CCDC33: variants seen among roughly 807,000 people sequenced by gnomAD.
CCDC33 encodes coiled-coil domain-containing protein 33.
In CCDC33, 94 loss-of-function variants were observed where a neutral mutation model predicts 91.9. The ratio of observed to expected loss-of-function variants is 1.02; its 90% confidence interval spans 0.87 to 1.21. The LOEUF is 1.21. Among genes scored for constraint, CCDC33 ranks in the 50% most tolerant of loss-of-function variants. The probability of loss-of-function intolerance (pLI) is 0.00; values close to 1 mark genes in which losing one functional copy is unlikely to be tolerated. For synonymous variants in CCDC33, 396 were observed against 374.5 expected (o/e 1.06, Z -0.66); for missense variants, 940 against 935.5 (o/e 1.00, Z -0.06).
chr15:74,271,906 T>C lies in CCDC33; in HGVS notation c.638+112T>C, dbSNP rs367890599. ...ATTCCAGGACCTCCGGCAACCCCTC[T>C]ACCCCTAAGGCCCTTCAAGCCTCTC... is the stretch of plus-strand genomic sequence containing the variant. On this transcript the variant is annotated intron_variant, in intron 6 of 18. Transcript: ENST00000398814. 2.0e-3 allele frequency: 1,692 copies of C among 838,592 alleles called. 44 individuals carry two copies. In the South Asian group the frequency reaches 0.025, roughly 12 times the overall value. The allele number at this position is 838,592 out of a possible 1,614,324, so 51.9% of individuals were successfully genotyped here. A position where few individuals can be genotyped will look rare whatever the true frequency, so the allele number is the denominator to read the frequency against.
intron 2 of CCDC33, chr15:74,209,668 T>G (rs2074340342): frequency 3.7e-6 from 2 of 546,710 alleles, no homozygotes; most frequent in Non-Finnish European, 6.5e-6. Context: ...CCTCCAACGC[T>G]GCTGGACAGT....
At chr15:74,262,948 A>G (rs566255130) in intron 3 of CCDC33, among the ~76,000 whole-genome samples, 1 of 152,186 alleles carries the variant, frequency 6.6e-6, no homozygotes, top group Non-Finnish European at 1.5e-5. Context: ...TGCTGCTCCC[A>G]TTGCTTAAGA....
chr15:74,298,081 T>C (rs1019308665), intron 11 of CCDC33, among the ~76,000 whole-genome samples: 1 of 152,218 alleles, frequency 6.6e-6, no homozygotes, highest in African/African-American at 2.4e-5. Flanking sequence ...CAGGCAGTCC[T>C]TCGTTTGGAG....
At chr15:74,209,747 C>T in intron 2 of CCDC33, 2 of 364,272 alleles carry the variant, frequency 5.5e-6, no homozygotes, top group South Asian at 1.1e-4. Flanking sequence ...GAGGGGGTAT[C>T]CTGCAGGGAT....
chr15:74,330,374 C>A lies in CCDC33; in HGVS notation c.1456+20C>A. The stretch of plus-strand genomic sequence containing the variant: ...ACACGGGTGAGGATGTGCAGGCCAC[C>A]AAGGGCACCCGGGCTTCTGCCTGGG... On this transcript the variant is annotated intron_variant, in intron 12 of 18. Transcript: ENST00000398814. The A allele has an allele frequency of 6.4e-7, 1 of 1,551,634 alleles. No homozygotes were observed. The highest frequency in any genetic ancestry group is 8.7e-7 in the Non-Finnish European group (1 of 1,147,278).
exon 1 of CCDC33, chr15:74,217,287 C>T (rs902731665): frequency 3.1e-6 from 4 of 1,277,412 alleles, no homozygotes; most frequent in Non-Finnish European, 3.1e-6. Flanking sequence ...ATTCAGGGGG[C>T]CTGAACCCTG....
Position 74,271,498 on chromosome 15 carries a change from C to T in CCDC33, c.547-205C>T, listed in dbSNP as rs552599247. On this transcript the variant is annotated intron_variant, in intron 5 of 18. Coordinates refer to ENST00000398814, the MANE Select transcript of CCDC33 (RefSeq NM_025055.5). ...GAAAGCGGGAGCAGTTGCCTCAGCT[C>T]GGCAGAGAAGGCTTCCTGAGGGAGG... 7.2e-5 allele frequency among the ~76,000 whole-genome samples: 11 copies of T among 152,192 alleles called. No individual in the cohort carries two copies. In the South Asian group the frequency reaches 1.5e-3, roughly 20 times the overall value.
intron 5 of CCDC33, among the ~76,000 whole-genome samples, chr15:74,270,202 G>A (rs371714621): frequency 3.9e-5 from 6 of 152,332 alleles, no homozygotes; most frequent in African/African-American, 1.4e-4. Flanking sequence ...AACCAGCTGA[G>A]ATGGGTATTG....
intron 7 of CCDC33, among the ~76,000 whole-genome samples, chr15:74,274,848 G>A (rs988426809): frequency 6.6e-6 from 1 of 152,226 alleles, no homozygotes; most frequent in African/African-American, 2.4e-5. Context: ...ACCCGGTCCA[G>A]CAATGGCAGG....
At chr15:74,231,776 GA>G (rs1181285086), upstream of CCDC33, among the ~76,000 whole-genome samples, 2 of 152,222 alleles carry the variant, frequency 1.3e-5, no homozygotes, top group African/African-American at 2.4e-5. Flanking sequence ...AGCAATTTGG[GA>G]GGCTGAGGCG....
In CCDC33 at chr15:74,336,069, TC is replaced by T. The variant is rs768005073; in HGVS notation, c.*18del. On this transcript the variant is annotated 3_prime_UTR_variant, in exon 19 of 19. Transcript: ENST00000398814. ...GCAGACCTGAGCCCCAGAGCAGGCC[TC>T]CTTCCCTGTGTGCTGGGGAGTCTCA... The T allele has an allele frequency of 5.5e-5, 88 of 1,612,892 alleles. No homozygotes were observed. The highest frequency in any genetic ancestry group is 1.9e-5 in the Non-Finnish European group (22 of 1,179,786).
chr15:74,266,735 T>TC lies in CCDC33; in HGVS notation c.381dup (p.Ile128HisfsTer13), dbSNP rs1254682251. On this transcript the variant is annotated frameshift_variant, in exon 4 of 19. Coordinates refer to ENST00000398814, the MANE Select transcript of CCDC33 (RefSeq NM_025055.5). LOFTEE classifies it high-confidence loss of function. ...AAACAGGAGTTGTTGTCCTACAAAA[T>TC]CCCCATCAAGTACCTGCGTGTCTTC... 6.2e-7 allele frequency: 1 copy of TC among 1,614,172 alleles called. No homozygotes were observed. Among genetic ancestry groups the TC allele is most frequent in the Admixed American group, 1.7e-5 (1 of 60,026 alleles).
intron 1 of CCDC33, chr15:74,207,763 C>G: frequency 6.5e-7 from 1 of 1,535,720 alleles, no homozygotes; most frequent in East Asian, 2.4e-5. Flanking sequence ...CATGCGGGCC[C>G]GTGAGCTTGG....
intron 5 of CCDC33, among the ~76,000 whole-genome samples, chr15:74,268,668 G>T (rs1273452448): frequency 6.6e-6 from 1 of 152,266 alleles, no homozygotes; most frequent in Non-Finnish European, 1.5e-5. Context: ...GGATGAAGAT[G>T]CTCAAGCCTC....
At chr15:74,325,882 GCTC>G (rs1295124811) in intron 11 of CCDC33, among the ~76,000 whole-genome samples, 1 of 151,992 alleles carries the variant, frequency 6.6e-6, no homozygotes, top group Non-Finnish European at 1.5e-5. Context: ...CCCTAACCCA[GCTC>G]CTCCTTCTCC....
At chr15:74,292,075 G>A (rs1208995427) in intron 10 of CCDC33, among the ~76,000 whole-genome samples, 1 of 152,252 alleles carries the variant, frequency 6.6e-6, no homozygotes, top group Non-Finnish European at 1.5e-5. Flanking sequence ...GAAGCCATGG[G>A]GACAGGGGCC....
Position 74,218,658 on chromosome 15 carries a change from G to C in CCDC33, c.472G>C (p.Glu158Gln). 1 of 1,289,840 alleles carries C rather than the reference G, an allele frequency of 7.8e-7. No homozygotes were observed. The highest frequency in any genetic ancestry group is 1.2e-5 in the South Asian group (1 of 81,028). 79.9% of individuals were successfully genotyped at this position (1,289,840 alleles called of 1,614,324 possible). A position where few individuals can be genotyped will look rare whatever the true frequency, so the allele number is the denominator to read the frequency against. ...CATGAACCCAAAGGCTCAGGATCAC[G>C]AGGACCTGTACCGCTACTGTGGCAA... Residue 158 changes from glutamate (E) to glutamine (Q), a missense_variant, in exon 2 of 3, where the codon GAG (glutamate) becomes CAG (glutamine). Transcript: ENST00000635913. This position sits in a 1 kb window ranked among gnomAD's most constrained non-coding sequence, Gnocchi z 4.8.
intron 10 of CCDC33, among the ~76,000 whole-genome samples, chr15:74,286,609 A>G (rs1013942822): frequency 3.9e-5 from 6 of 152,086 alleles, no homozygotes; most frequent in Non-Finnish European, 8.8e-5. Flanking sequence ...GCACCTCCCC[A>G]TGAGGTGGGA....
rs532169624 is a variant in CCDC33 at position 74,256,646 on chromosome 15, G to C, written c.186-5794G>C. ...TATGCCACAGGACAGGACACGGCAT[G>C]ACACTCCAAAGGCTGACAGATGGTG... On this transcript the variant is annotated intron_variant, in intron 2 of 18. Transcript: ENST00000398814. Among the ~76,000 whole-genome samples the C allele has an allele frequency of 3.3e-5, 5 of 152,326 alleles. No homozygotes were observed. In the East Asian group the frequency reaches 9.6e-4, roughly 29 times the overall value.
Sources: allele counts gnomAD v4.1 joint callset (sites outside exome capture counted in the v4.1 genomes callset), GRCh38; gene constraint gnomAD v4.1.1; non-coding constraint Gnocchi (gnomAD v3.1); transcripts MANE v1.5; gene names NCBI Gene and HGNC (gene_info 2026-07-23, HGNC 2026-07-21).